Variants in JAK1 observed in about 807,000 individuals in gnomAD.
JAK1 encodes the protein Janus kinase 1, also known as tyrosine-protein kinase JAK1.
In JAK1, 16 loss-of-function variants were observed where a neutral mutation model predicts 136.6. The observed-to-expected ratio is 0.12, with a 90% CI of 0.08 to 0.18. JAK1 has a LOEUF of 0.18. Ranked by LOEUF, JAK1 falls within the 10% of genes least tolerant of loss-of-function variation. The pLI, the probability that JAK1 is intolerant of heterozygous loss-of-function variation, is 1.00. For missense variants in JAK1, 859 were observed against 1,450.1 expected, an observed-to-expected ratio of 0.59 and a Z score of 6.62; for synonymous variants, 492 against 519.5, an observed-to-expected ratio of 0.95 and a Z score of 0.72.
intron 2 of JAK1, among the ~76,000 whole-genome samples, chr1:65,025,395 G>T (rs1349240576): frequency 6.6e-6 from 1 of 152,118 alleles, no homozygotes; most frequent in Admixed American, 6.5e-5. Context: ...TCAAAAACTA[G>T]CAAATGTCCA....
intron 1 of JAK1, among the ~76,000 whole-genome samples, chr1:64,891,425 T>C (rs896663246): frequency 6.6e-6 from 1 of 152,166 alleles, no homozygotes; most frequent in Non-Finnish European, 1.5e-5. Flanking sequence ...CACTCTTCCT[T>C]CTGTAGACTG....
At chr1:64,886,440 G>T in intron 1 of JAK1, 99 bp from the exon 2 acceptor site, 1 of 559,580 alleles carries the variant, frequency 1.8e-6, no homozygotes, top group Non-Finnish European at 2.8e-6. Context: ...CCATAAGCAG[G>T]CAAGAAAAAG....
chr1:65,055,449 G>A (rs758039864), intron 1 of JAK1, among the ~76,000 whole-genome samples: 13 of 152,232 alleles, frequency 8.5e-5, no homozygotes, highest in Non-Finnish European at 1.5e-4. Context: ...GAATCATGTT[G>A]CTATAAACAT....
chr1:64,969,917 G>T (rs926832800), upstream of JAK1, among the ~76,000 whole-genome samples: 1 of 151,832 alleles, frequency 6.6e-6, no homozygotes. Flanking sequence ...TTCAAAATGG[G>T]TTCAGGAGTT....
chr1:64,843,975 CACAGTGCCAGGCTTCCGACA>C, intron 17 of JAK1, 69 bp downstream of exon 17: 1 of 1,480,556 alleles, frequency 6.8e-7, no homozygotes, highest in Non-Finnish European at 9.3e-7. Flanking sequence ...CATCTCTTCC[CACAGTGCCAGGCTTCCGACA>C]ACTCCTGGGA....
At chr1:64,846,593 C>T (rs887347205) in intron 14 of JAK1, 56 bp downstream of exon 14, 9 of 1,334,018 alleles carry the variant, frequency 6.7e-6, no homozygotes, top group South Asian at 1.2e-5. Flanking sequence ...ACCATCTCCA[C>T]AGCACCCAAG....
At chr1:65,061,231 C>A (rs764192498) in intron 1 of JAK1, among the ~76,000 whole-genome samples, 1 of 151,980 alleles carries the variant, frequency 6.6e-6, no homozygotes, top group Non-Finnish European at 1.5e-5. Flanking sequence ...CCAGCCTGGG[C>A]AACATAGTGG....
intron 2 of JAK1, chr1:64,987,375 C>A: frequency 6.6e-6 from 1 of 152,300 alleles, no homozygotes. Context: ...GATGGATAGA[C>A]AGACAGATAA....
chr1:64,839,376 G>GT (rs971511906), intron 20 of JAK1: 5 of 453,958 alleles, frequency 1.1e-5, no homozygotes, highest in Non-Finnish European at 1.9e-5. Flanking sequence ...TGGAGAGACA[G>GT]TGCTGGAACC....
At chr1:64,994,892 C>T (rs554147893) in intron 2 of JAK1, 45 of 150,936 alleles carry the variant, frequency 3.0e-4, no homozygotes, top group African/African-American at 1.0e-3. Flanking sequence ...GGCTGCCCTA[C>T]CCACTTTCAG....
At chr1:64,975,900 C>A (rs914818217) in intron 2 of JAK1, among the ~76,000 whole-genome samples, 1 of 152,156 alleles carries the variant, frequency 6.6e-6, no homozygotes, top group African/African-American at 2.4e-5. Context: ...CCTGCTGGTC[C>A]CTGGAGACAA....
intron 2 of JAK1, among the ~76,000 whole-genome samples, chr1:64,988,901 T>A (rs1646625107): frequency 6.8e-6 from 1 of 147,966 alleles, no homozygotes; most frequent in Admixed American, 6.8e-5. Flanking sequence ...ATAAATAAAA[T>A]TTAAAAATAT....
intron 11 of JAK1, among the ~76,000 whole-genome samples, chr1:64,854,671 G>C (rs557990846): frequency 2.4e-5 from 3 of 126,264 alleles, no homozygotes; most frequent in African/African-American, 3.6e-5. Flanking sequence ...AGAAACAGCT[G>C]AGTGGCTCCC....
At chr1:64,865,950 G>A (rs1451235605) in intron 7 of JAK1, among the ~76,000 whole-genome samples, 1 of 152,024 alleles carries the variant, frequency 6.6e-6, no homozygotes, top group African/African-American at 2.4e-5. Flanking sequence ...TGTAAAGATA[G>A]GGTTTCACCA....
At chr1:65,061,027 A>G (rs939270854) in intron 1 of JAK1, among the ~76,000 whole-genome samples, 5 of 152,244 alleles carry the variant, frequency 3.3e-5, no homozygotes, top group African/African-American at 9.6e-5. Flanking sequence ...TAAAAATGAT[A>G]CAACTAGGAA....
At chr1:64,836,820 G>A (rs1005087458) in intron 22 of JAK1, among the ~76,000 whole-genome samples, 1 of 151,990 alleles carries the variant, frequency 6.6e-6, no homozygotes, top group African/African-American at 2.4e-5. Flanking sequence ...CAGACTCCCT[G>A]GCTCCAGACT....
intron 8 of JAK1, among the ~76,000 whole-genome samples, chr1:64,864,541 T>C (rs985919829): frequency 6.6e-6 from 1 of 152,218 alleles, no homozygotes; most frequent in African/African-American, 2.4e-5. Flanking sequence ...CTGAGGTGTA[T>C]TTGGGAGGGA....
chr1:65,048,577 T>C (rs911296290), intron 1 of JAK1, among the ~76,000 whole-genome samples: 1 of 152,220 alleles, frequency 6.6e-6, no homozygotes, highest in Non-Finnish European at 1.5e-5. Context: ...GCTCCTTGGC[T>C]GCAGTCTTCA....
intron 2 of JAK1, among the ~76,000 whole-genome samples, chr1:65,025,204 C>T (rs1159040126): frequency 1.3e-5 from 2 of 152,120 alleles, no homozygotes; most frequent in Non-Finnish European, 2.9e-5. Context: ...CAGACCAATC[C>T]AAACTGCAGT....
Sources: allele counts gnomAD v4.1 joint callset (sites outside exome capture counted in the v4.1 genomes callset), GRCh38; gene constraint gnomAD v4.1.1; transcripts MANE v1.5; gene names NCBI Gene and HGNC (gene_info 2026-07-23, HGNC 2026-07-21).